KIF5B: variants seen among roughly 807,000 people sequenced by gnomAD.
KIF5B encodes kinesin-1 heavy chain.
KIF5B carries 49 observed loss-of-function variants against 132.8 expected under a neutral mutation model. The observed-to-expected ratio is 0.37, with a 90% CI of 0.29 to 0.47. The LOEUF is 0.47. Among genes scored for constraint, KIF5B ranks in the 20% least tolerant of loss-of-function variants. The probability of loss-of-function intolerance (pLI) is 1.00; values close to 1 mark genes in which losing one functional copy is unlikely to be tolerated. For missense variants in KIF5B, 780 were observed against 1,144.0 expected, an observed-to-expected ratio of 0.68 and a Z score of 4.59; for synonymous variants, 355 against 369.4, an observed-to-expected ratio of 0.96 and a Z score of 0.45.
At chr10:32,036,443 T>C (rs919677275) in intron 8 of KIF5B, among the ~76,000 whole-genome samples, 2 of 152,020 alleles carry the variant, frequency 1.3e-5, no homozygotes, top group Middle Eastern at 3.4e-3. Flanking sequence ...TTTTGGAGAC[T>C]GAGTCTCACT....
At chr10:32,026,458 A>AT (rs1841335224) in intron 15 of KIF5B, among the ~76,000 whole-genome samples, 5 of 150,208 alleles carry the variant, frequency 3.3e-5, no homozygotes, top group Non-Finnish European at 1.5e-5. Context: ...AAAAAAAAAA[A>AT]AAAGTAACGC....
chr10:32,055,887 G>A lies in KIF5B; in HGVS notation c.87C>T (p.Tyr29=), dbSNP rs772235559. 2 of 1,613,040 alleles carry A rather than the reference G, an allele frequency of 1.2e-6. No individual in the cohort carries two copies. The highest frequency in any genetic ancestry group is 3.3e-5 in the Admixed American group (2 of 60,026). Residue 29 remains tyrosine (Y), a synonymous_variant, in exon 1 of 26, where the codon TAC becomes TAT. Transcript: ENST00000302418. ...TGTCTTCTCCCTGAAACTTGGCGATGTACTTGTCGCCGCGGTTCACTTCAG... is the reference window on the plus strand; with the variant it reads ...TGTCTTCTCCCTGAAACTTGGCGATATACTTGTCGCCGCGGTTCACTTCAG... The part of the protein sequence containing the change: ...NESEVNRGDK[Y]IAKFQGEDTV...
chr10:32,035,647 A>G lies in KIF5B; in HGVS notation c.837T>C (p.Asp279=). ...CTTGAAGGATTCTTGTCATTTTACT[A>G]TCTCGATATGGAACATATGTCTGCA... ...AEGSTYVPYR[D]SKMTRILQDS... Residue 279 remains aspartate, a synonymous_variant, in exon 10 of 26, where the codon GAT becomes GAC. Coordinates refer to ENST00000302418, the MANE Select transcript of KIF5B (RefSeq NM_004521.3). The G allele has an allele frequency of 6.2e-7, 1 of 1,612,398 alleles. No individual in the cohort carries two copies. The highest frequency in any genetic ancestry group is 8.5e-7 in the Non-Finnish European group (1 of 1,179,088).
chr10:32,017,399 A>G (rs2132579643), intron 23 of KIF5B, 40 bp from the exon 24 acceptor site: 3 of 1,480,264 alleles, frequency 2.0e-6, no homozygotes, highest in East Asian at 2.3e-5. Context: ...CAGATTTAAC[A>G]GGATGACTTG....
At position 32,037,615 on chromosome 10, in the gene KIF5B, A is replaced by G; in HGVS notation, c.499-8T>C. 6.3e-7 allele frequency: 1 copy of G among 1,589,816 alleles called. No individual in the cohort carries two copies. Among genetic ancestry groups the G allele is most frequent in the South Asian group, 1.1e-5 (1 of 90,174 alleles). ...AAAACGCTCTGTGCACCCCTGTGAA[A>G]TAATTTTTAAAAATATGTTAATGTC... On this transcript the variant is annotated splice_region_variant and splice_polypyrimidine_tract_variant and intron_variant, in intron 6 of 25. Coordinates refer to ENST00000302418, the MANE Select transcript of KIF5B (RefSeq NM_004521.3).
Position 32,018,140 on chromosome 10 carries a change from GAATC to G in KIF5B, c.2452_2455del (p.Asp818LeufsTer56). On this transcript the variant is annotated frameshift_variant, in exon 23 of 26. Transcript: ENST00000302418. LOFTEE classifies it high-confidence loss of function. Reference sequence around the variant, plus strand: ...AGCAGCGCTGCCTCCGGTGTCATCAGAATCAATCTCAGCACTCTGAGAAAAGAAG... The same window carrying G: ...AGCAGCGCTGCCTCCGGTGTCATCAGAATCTCAGCACTCTGAGAAAAGAAG... 1 of 1,606,840 alleles carries G rather than the reference GAATC, an allele frequency of 6.2e-7. No homozygotes were observed. The highest frequency in any genetic ancestry group is 8.5e-7 in the Non-Finnish European group (1 of 1,176,012).
intron 15 of KIF5B, among the ~76,000 whole-genome samples, chr10:32,024,819 G>T (rs113964264): frequency 0.09 from 13,596 of 151,844 alleles, 737 homozygotes; most frequent in Middle Eastern, 0.14. Flanking sequence ...GCTCATGCCT[G>T]TAGTACCAGC....
chr10:32,049,592 A>G (rs773547552), intron 1 of KIF5B, among the ~76,000 whole-genome samples: 4 of 152,206 alleles, frequency 2.6e-5, no homozygotes, highest in Non-Finnish European at 4.4e-5. Flanking sequence ...TCAAATGCAA[A>G]TATCAAAACG....
chr10:32,040,475 AT>A lies in KIF5B; in HGVS notation c.215-19del, dbSNP rs772267151. ...AAGTACATCTATGAGAAAAGATTTTATAGTTCAGGGGATTTTTTCCTTAAGC... is the reference window on the plus strand; with the variant it reads ...AAGTACATCTATGAGAAAAGATTTTAAGTTCAGGGGATTTTTTCCTTAAGC... On this transcript the variant is annotated intron_variant, in intron 2 of 25. Transcript: ENST00000302418. 9.0e-6 allele frequency: 13 copies of A among 1,439,084 alleles called. No homozygotes were observed. The highest frequency in any genetic ancestry group is 2.9e-6 in the Non-Finnish European group (3 of 1,021,182). The allele number at this position is 1,439,084 out of a possible 1,614,324, so 89.1% of individuals were successfully genotyped here.
intron 25 of KIF5B, among the ~76,000 whole-genome samples, chr10:32,013,147 C>A (rs1756219699): frequency 6.6e-6 from 1 of 152,054 alleles, no homozygotes; most frequent in Non-Finnish European, 1.5e-5. Context: ...GTGACCCACC[C>A]ACCTCAGCCT....
intron 23 of KIF5B, 56 bp from the exon 24 acceptor site, chr10:32,017,415 G>T: frequency 7.5e-7 from 1 of 1,336,618 alleles, no homozygotes; most frequent in South Asian, 1.2e-5. Context: ...ACTTGAAAAA[G>T]TATGAGCATT....
chr10:32,014,114 GA>G (rs1841123489), intron 25 of KIF5B, among the ~76,000 whole-genome samples: 1 of 152,134 alleles, frequency 6.6e-6, no homozygotes, highest in South Asian at 2.1e-4. Context: ...GGGACTTCCT[GA>G]AGAGTTAGTT....
intron 2 of KIF5B, 31 bp from the exon 3 acceptor site, chr10:32,040,488 T>C (rs1841518740): frequency 7.6e-7 from 1 of 1,312,288 alleles, no homozygotes; most frequent in East Asian, 2.3e-5. Flanking sequence ...GTTCAGGGGA[T>C]TTTTTCCTTA....
chr10:32,056,100 G>T lies in KIF5B; in HGVS notation c.-127C>A. The T allele has an allele frequency of 8.1e-7, 1 of 1,229,284 alleles. No homozygotes were observed. The highest frequency in any genetic ancestry group is 1.1e-6 in the Non-Finnish European group (1 of 904,192). 76.1% of individuals were successfully genotyped at this position (1,229,284 alleles called of 1,614,324 possible). On this transcript the variant is annotated 5_prime_UTR_variant, in exon 1 of 26. Coordinates refer to ENST00000302418, the MANE Select transcript of KIF5B (RefSeq NM_004521.3). Reference sequence around the variant, plus strand: ...AGGCAGCAGTCAGCTGCGCCGCGCTGCGCTTCCCCGGGTGGAGGCGGCCGG... The same window carrying T: ...AGGCAGCAGTCAGCTGCGCCGCGCTTCGCTTCCCCGGGTGGAGGCGGCCGG...
intron 12 of KIF5B, among the ~76,000 whole-genome samples, chr10:32,033,516 C>T (rs1257088739): frequency 6.6e-6 from 1 of 152,126 alleles, no homozygotes; most frequent in Non-Finnish European, 1.5e-5. Flanking sequence ...ATCCCAAAAC[C>T]ATCTCCCCGA....
At chr10:32,040,294 A>T (rs1163401590) in intron 3 of KIF5B, 90 bp downstream of exon 3, 1 of 802,572 alleles carries the variant, frequency 1.2e-6, no homozygotes, top group African/African-American at 1.7e-5. Context: ...AGAGTAAATT[A>T]AAATGTTTAT....
chr10:32,050,477 A>G (rs530621906), intron 1 of KIF5B, among the ~76,000 whole-genome samples: 18 of 152,354 alleles, frequency 1.2e-4, no homozygotes. Flanking sequence ...CTGGAGCTGT[A>G]GCATCCATCT....
At chr10:32,034,553 A>AT (rs1248144879) in intron 11 of KIF5B, 137 bp downstream of exon 11, 1 of 581,284 alleles carries the variant, frequency 1.7e-6, no homozygotes. Context: ...ATTTCTATTA[A>AT]TTTTTTTAAA....
chr10:32,037,475 T>C, intron 7 of KIF5B, 45 bp downstream of exon 7: 1 of 1,590,934 alleles, frequency 6.3e-7, no homozygotes, highest in Non-Finnish European at 8.6e-7. Flanking sequence ...GATAAGGATA[T>C]TTTAAGCTGG....
Sources: gnomAD v4.1 joint callset for allele counts (sites outside exome capture counted in the v4.1 genomes callset) on GRCh38, gnomAD v4.1.1 for gene constraint, MANE v1.5 for transcripts, NCBI Gene and HGNC (gene_info 2026-07-23, HGNC 2026-07-21) for gene names.